The following PCDH15 variants were observed in gnomAD, a reference collection of about 807,000 sequenced individuals.
PCDH15 encodes the protein protocadherin related 15.
A neutral mutation model predicts 178.5 loss-of-function variants in PCDH15; 129 were observed. The ratio of observed to expected loss-of-function variants is 0.72; its 90% CI spans 0.63 to 0.84. The LOEUF is 0.84. PCDH15 is among the 40% of genes least tolerant of loss of function. The pLI is 0.00. For missense variants in PCDH15, 2,230 were observed against 2,099.9 expected (o/e 1.06, Z -1.21); for synonymous variants, 800 against 732.0 (o/e 1.09, Z -1.50).
At chr10:54,186,913 C>T (rs1490492911) in intron 11 of PCDH15, among the ~76,000 whole-genome samples, 1 of 151,988 alleles carries the variant, frequency 6.6e-6, no homozygotes, top group Admixed American at 6.6e-5. Flanking sequence ...TCTTATTTTA[C>T]ACTTTAGAGT....
intron 2 of PCDH15, among the ~76,000 whole-genome samples, chr10:54,934,474 C>A (rs1486041250): frequency 6.6e-6 from 1 of 152,052 alleles, no homozygotes; most frequent in African/African-American, 2.4e-5. Flanking sequence ...AGATAAAAAT[C>A]ATTTTATCCA....
intron 2 of PCDH15, among the ~76,000 whole-genome samples, chr10:54,616,124 G>T (rs1037552541): frequency 2.0e-5 from 3 of 151,856 alleles, no homozygotes; most frequent in African/African-American, 7.3e-5. Context: ...AAGTGGCTAA[G>T]AAAAAAATTA....
intron 18 of PCDH15, among the ~76,000 whole-genome samples, chr10:54,065,565 T>G (rs1317305261): frequency 6.6e-6 from 1 of 152,212 alleles, no homozygotes; most frequent in Non-Finnish European, 1.5e-5. Flanking sequence ...CCAGTTGGTA[T>G]CAAGACCAGT....
intron 32 of PCDH15, chr10:53,822,106 C>A: frequency 6.2e-7 from 1 of 1,613,772 alleles, no homozygotes; most frequent in South Asian, 1.1e-5. Flanking sequence ...CTCTGAGGGT[C>A]TGTTTTACAC....
At chr10:54,179,688 T>C (rs1227243028) in intron 13 of PCDH15, among the ~76,000 whole-genome samples, 1 of 152,190 alleles carries the variant, frequency 6.6e-6, no homozygotes, top group Admixed American at 6.6e-5. Context: ...TTTCAATTTC[T>C]TAAATAAAAT....
intron 8 of PCDH15, among the ~76,000 whole-genome samples, chr10:54,241,852 C>G (rs1023682698): frequency 6.8e-6 from 1 of 146,894 alleles, no homozygotes; most frequent in African/African-American, 2.5e-5. Context: ...TGTGAAAATA[C>G]TGTGTAATTA....
chr10:54,037,109 T>C (rs2093434058), intron 18 of PCDH15, among the ~76,000 whole-genome samples: 1 of 151,932 alleles, frequency 6.6e-6, no homozygotes, highest in Non-Finnish European at 1.5e-5. Context: ...GGAGTTGCTT[T>C]TTATGGAAGA....
At chr10:55,054,531 G>C (rs1324302987) in intron 2 of PCDH15, among the ~76,000 whole-genome samples, 2 of 151,982 alleles carry the variant, frequency 1.3e-5, no homozygotes, top group African/African-American at 2.4e-5. Flanking sequence ...ATATTTCTTT[G>C]GATATATACC....
chr10:55,591,816 G>A (rs1202510357), intron 2 of PCDH15, among the ~76,000 whole-genome samples: 2 of 151,990 alleles, frequency 1.3e-5, no homozygotes, highest in Non-Finnish European at 2.9e-5. Context: ...AGCAATGCAT[G>A]TATACTTCTA....
rs77436464 is a variant in PCDH15 at position 53,851,838 on chromosome 10, T to A, written c.3806+5337A>T. Reference sequence around the variant, plus strand: ...TTTGTAACCTTAATTCTAGGAACTATAGATTGATTACACAGCACATTTCAG... The same window carrying A: ...TTTGTAACCTTAATTCTAGGAACTAAAGATTGATTACACAGCACATTTCAG... On this transcript the variant is annotated intron_variant, in intron 28 of 37. Transcript: ENST00000644397. Among the ~76,000 whole-genome samples, 1,224 of 151,158 alleles carry A rather than the reference T, an allele frequency of 8.1e-3. 18 individuals carry two copies. The highest frequency in any genetic ancestry group is 0.028 in the African/African-American group (1,150 of 41,326).
At chr10:54,934,493 G>A (rs1837856606) in intron 2 of PCDH15, among the ~76,000 whole-genome samples, 1 of 151,926 alleles carries the variant, frequency 6.6e-6, no homozygotes. Context: ...CATCATCACT[G>A]GCCATCAGAG....
intron 8 of PCDH15, among the ~76,000 whole-genome samples, chr10:54,261,357 A>G (rs1379104091): frequency 2.6e-5 from 4 of 152,032 alleles, no homozygotes; most frequent in Non-Finnish European, 5.9e-5. Flanking sequence ...ATGATTTGTA[A>G]TACCTATAAT....
chr10:55,079,264 T>C (rs1022193444), intron 2 of PCDH15, among the ~76,000 whole-genome samples: 1 of 152,184 alleles, frequency 6.6e-6, no homozygotes, highest in African/African-American at 2.4e-5. Flanking sequence ...CTTTGGGGGA[T>C]GTTTTTGTGA....
At chr10:54,612,251 T>A (rs2092986356) in intron 2 of PCDH15, among the ~76,000 whole-genome samples, 1 of 151,838 alleles carries the variant, frequency 6.6e-6, no homozygotes, top group South Asian at 2.1e-4. Context: ...GCACATTTTG[T>A]GCATAGTGAA....
intron 2 of PCDH15, among the ~76,000 whole-genome samples, chr10:55,604,515 T>C (rs1291171878): frequency 1.4e-5 from 2 of 143,812 alleles, no homozygotes; most frequent in East Asian, 4.3e-4. Flanking sequence ...CCTCAGCAAA[T>C]GTAAAAGAAC....
chr10:55,145,520 G>C (rs961439641), intron 2 of PCDH15, among the ~76,000 whole-genome samples: 2 of 151,844 alleles, frequency 1.3e-5, no homozygotes, highest in African/African-American at 4.8e-5. Context: ...AACTTATGTA[G>C]ACCCATAATT....
chr10:55,577,390 T>G (rs1396411896), intron 2 of PCDH15, among the ~76,000 whole-genome samples: 1 of 152,202 alleles, frequency 6.6e-6, no homozygotes. Flanking sequence ...AGTTGTTATA[T>G]AACTAATGTC....
At chr10:54,315,380 TTTTA>T (rs138726315) in intron 8 of PCDH15, among the ~76,000 whole-genome samples, 39,209 of 151,892 alleles carry the variant, frequency 0.26, 6,294 homozygotes, top group Middle Eastern at 0.38. Context: ...TTTTTGATGT[TTTTA>T]TTTAATTCTT....
intron 2 of PCDH15, among the ~76,000 whole-genome samples, chr10:54,935,073 A>C (rs1837871679): frequency 7.5e-6 from 1 of 132,610 alleles, no homozygotes; most frequent in African/African-American, 2.8e-5. Flanking sequence ...CACTCTGGGG[A>C]CTGTTGTGGG....
Sources: gnomAD v4.1 joint callset for allele counts (sites outside exome capture counted in the v4.1 genomes callset) on GRCh38, gnomAD v4.1.1 for gene constraint, MANE v1.5 for transcripts, NCBI Gene and HGNC (gene_info 2026-07-23, HGNC 2026-07-21) for gene names.